WLS: variants seen among roughly 807,000 people sequenced by gnomAD.
WLS encodes protein wntless homolog.
A neutral mutation model predicts 62.8 loss-of-function variants in WLS; 23 were observed. That is an observed-to-expected ratio of 0.37 (90% CI 0.26 to 0.52). The LOEUF (loss-of-function observed/expected upper bound fraction) is 0.52, where lower values mean the gene tolerates loss of function less well. Ranked by LOEUF, WLS falls within the 20% of genes least tolerant of loss-of-function variation. The probability of loss-of-function intolerance (pLI) is 0.92; values close to 1 mark genes in which losing one functional copy is unlikely to be tolerated. For missense variants in WLS, 615 were observed against 697.3 expected (o/e 0.88, Z 1.33); for synonymous variants, 246 against 244.1 (o/e 1.01, Z -0.07).
intron 2 of WLS, chr1:68,162,993 CAGG>C (rs917408168): frequency 8.2e-6 from 13 of 1,592,754 alleles, no homozygotes; most frequent in Non-Finnish European, 1.1e-5. Context: ...CACCAGGGGG[CAGG>C]AGTGCAGGGG....
rs1289108969 is a variant in WLS, at chr1:68,145,854, A to C, written c.1278+15T>G. On this transcript the variant is annotated intron_variant, in intron 9 of 11. Transcript: ENST00000262348. ...GCAAGCACCAGTTCCAGAACGAGCCAAGAAATCTGCCCACCTCATAGTGTA... is the reference window on the plus strand; with the variant it reads ...GCAAGCACCAGTTCCAGAACGAGCCCAGAAATCTGCCCACCTCATAGTGTA... 6 of 1,614,022 alleles carry C rather than the reference A, an allele frequency of 3.7e-6. No homozygotes were observed. Among genetic ancestry groups the C allele is most frequent in the Non-Finnish European group, 5.1e-6 (6 of 1,179,942 alleles).
chr1:68,178,704 T>TCAAAA (rs1647374685), intron 2 of WLS, among the ~76,000 whole-genome samples: 1 of 99,326 alleles, frequency 1.0e-5, no homozygotes, highest in Admixed American at 9.3e-5. Context: ...AGACTACATT[T>TCAAAA]CAAAAAAAAA....
chr1:68,172,183 G>A (rs2100543758), intron 2 of WLS, among the ~76,000 whole-genome samples: 1 of 151,860 alleles, frequency 6.6e-6, no homozygotes, highest in South Asian at 2.1e-4. Flanking sequence ...ATGGGGGAGG[G>A]ATAGTATTAG....
At chr1:68,204,011 T>C (rs1370805209) in intron 1 of WLS, among the ~76,000 whole-genome samples, 1 of 152,224 alleles carries the variant, frequency 6.6e-6, no homozygotes, top group Non-Finnish European at 1.5e-5. Context: ...GCATATAGTT[T>C]ATTGATTTGT....
chr1:68,224,236 C>T (rs962865255), intron 1 of WLS, among the ~76,000 whole-genome samples: 1 of 152,066 alleles, frequency 6.6e-6, no homozygotes, highest in African/African-American at 2.4e-5. Flanking sequence ...AACTTGAAGG[C>T]CCAGGATTTA....
At chr1:68,196,972 CAA>C (rs1648700286) in intron 1 of WLS, among the ~76,000 whole-genome samples, 1 of 152,130 alleles carries the variant, frequency 6.6e-6, no homozygotes, top group Non-Finnish European at 1.5e-5. Context: ...AACAGTGAGA[CAA>C]AAGTCATGAA....
chr1:68,100,819 A>G (rs957576697), intron 11 of WLS: 4 of 152,184 alleles, frequency 2.6e-5, no homozygotes, highest in African/African-American at 4.8e-5. Flanking sequence ...AATAAACTAT[A>G]TTGTAACTGC....
At chr1:68,154,382 G>A (rs996572344) in intron 4 of WLS, among the ~76,000 whole-genome samples, 1 of 152,092 alleles carries the variant, frequency 6.6e-6, no homozygotes, top group African/African-American at 2.4e-5. Context: ...GTTGAGATTG[G>A]TAAGTGTTAA....
chr1:68,105,016 T>C (rs1344280610), intron 11 of WLS, among the ~76,000 whole-genome samples: 2 of 152,264 alleles, frequency 1.3e-5, no homozygotes, highest in Non-Finnish European at 2.9e-5. Flanking sequence ...AGTCACTGCC[T>C]GTGCATAGTT....
intron 2 of WLS, among the ~76,000 whole-genome samples, chr1:68,179,105 A>G (rs1339462229): frequency 6.6e-6 from 1 of 152,186 alleles, no homozygotes; most frequent in Non-Finnish European, 1.5e-5. Flanking sequence ...AAGAAAAGAA[A>G]ATTCACTCAT....
At chr1:68,166,881 A>G (rs745431899) in intron 2 of WLS, among the ~76,000 whole-genome samples, 12 of 152,190 alleles carry the variant, frequency 7.9e-5, no homozygotes, top group Non-Finnish European at 1.5e-4. Flanking sequence ...TAGAAATACC[A>G]GACTCAGGAC....
At chr1:68,098,965 C>A in intron 11 of WLS, 1 of 621,296 alleles carries the variant, frequency 1.6e-6, no homozygotes, top group Non-Finnish European at 2.5e-6. Flanking sequence ...AGCACCTCCT[C>A]CCTCAATTAT....
At position 68,197,056 on chromosome 1, in the gene WLS, A is replaced by T. The variant is rs75437229; in HGVS notation, c.107-2829T>A. Among the ~76,000 whole-genome samples the T allele has an allele frequency of 2.7e-3, 407 of 152,274 alleles. 10 individuals carry two copies. In the East Asian group the frequency reaches 0.058, roughly 22 times the overall value. On this transcript the variant is annotated intron_variant, in intron 1 of 11. Transcript: ENST00000262348. ...ATAGTTACTACATTTTAAAACTTCT[A>T]TTCTTCCAAAATGAACCTAACCTTT...
At chr1:68,200,459 T>A (rs1417914019) in intron 1 of WLS, among the ~76,000 whole-genome samples, 2 of 140,728 alleles carry the variant, frequency 1.4e-5, no homozygotes, top group South Asian at 4.4e-4. Context: ...TGGGACTGAT[T>A]TCAACGGATA....
In WLS at chr1:68,125,811, C is replaced by T. The variant is rs920912345; in HGVS notation, c.*415G>A. 24 of 1,003,246 alleles carry T rather than the reference C, an allele frequency of 2.4e-5. No homozygotes were observed. The East Asian group carries it at 3.1e-4, about 13-fold the overall frequency. 62.1% of individuals were successfully genotyped at this position (1,003,246 alleles called of 1,614,324 possible). On this transcript the variant is annotated 3_prime_UTR_variant, in exon 12 of 12. Transcript: ENST00000262348. ...ACACCAGCCTACCTTGGACTGGGAC[C>T]GCAAAGGATGTTAAAATCTATCCTA...
At chr1:68,169,413 G>A (rs1017074960) in intron 2 of WLS, among the ~76,000 whole-genome samples, 1 of 152,144 alleles carries the variant, frequency 6.6e-6, no homozygotes, top group African/African-American at 2.4e-5. Flanking sequence ...CATATCTATT[G>A]TTCACCAGGT....
Position 68,155,195 on chromosome 1 carries a change from C to T in WLS, c.570G>A (p.Val190=). The part of the protein sequence containing the change: ...DVLPFMEIGS[V]AHKFYLLNIR... Reference sequence around the variant, plus strand: ...TGTTTAAAAGGTAAAACTTATGGGCCACAGACCCAATTTCCATGAAAGGAA... The same window carrying T: ...TGTTTAAAAGGTAAAACTTATGGGCTACAGACCCAATTTCCATGAAAGGAA... Residue 190 remains valine (V), a synonymous_variant, in exon 4 of 12, where the codon GTG becomes GTA. Coordinates refer to ENST00000262348, the MANE Select transcript of WLS (RefSeq NM_024911.7). The T allele has an allele frequency of 6.2e-7, 1 of 1,613,942 alleles. No homozygotes were observed. Among genetic ancestry groups the T allele is most frequent in the Non-Finnish European group, 8.5e-7 (1 of 1,179,948 alleles).
At chr1:68,171,640 G>A (rs1010321641) in intron 2 of WLS, among the ~76,000 whole-genome samples, 8 of 152,154 alleles carry the variant, frequency 5.3e-5, no homozygotes, top group Admixed American at 1.3e-4. Context: ...TTAGAATGGC[G>A]ATCATTGAAA....
chr1:68,153,884 T>A (rs1646861084), intron 4 of WLS, among the ~76,000 whole-genome samples: 1 of 152,070 alleles, frequency 6.6e-6, no homozygotes, highest in Admixed American at 6.5e-5. Context: ...ACCAGAGAAA[T>A]AAAGAGGGCA....
Sources: gnomAD v4.1 joint callset for allele counts (sites outside exome capture counted in the v4.1 genomes callset) on GRCh38, gnomAD v4.1.1 for gene constraint, MANE v1.5 for transcripts, NCBI Gene and HGNC (gene_info 2026-07-23, HGNC 2026-07-21) for gene names.